SPHKAP: variants seen among roughly 807,000 people sequenced by gnomAD.
SPHKAP encodes A-kinase anchor protein SPHKAP.
In SPHKAP, 67 loss-of-function variants were observed where a neutral mutation model predicts 137.5. The observed-to-expected ratio is 0.49, with a 90% CI of 0.40 to 0.60. The LOEUF is 0.60. SPHKAP is among the 20% of genes least tolerant of loss of function. The pLI is 0.00. For synonymous variants in SPHKAP, 813 were observed against 785.3 expected, an observed-to-expected ratio of 1.04 and a Z score of -0.59; for missense variants, 2,097 against 2,069.3, an observed-to-expected ratio of 1.01 and a Z score of -0.26.
chr2:228,058,262 G>A (rs4372891), intron 3 of SPHKAP, among the ~76,000 whole-genome samples: 2 of 152,076 alleles, frequency 1.3e-5, no homozygotes, highest in Non-Finnish European at 2.9e-5. Flanking sequence ...AGAAAACTTA[G>A]CAAAGTCACT....
intron 2 of SPHKAP, among the ~76,000 whole-genome samples, chr2:228,124,525 T>G (rs775396060): frequency 2.9e-5 from 4 of 137,516 alleles, no homozygotes; most frequent in Non-Finnish European, 6.0e-5. Context: ...TAGGTGGGAA[T>G]TGAACAACGA....
intron 11 of SPHKAP, chr2:227,982,237 T>C: frequency 1.0e-6 from 1 of 985,358 alleles, no homozygotes; most frequent in Non-Finnish European, 1.2e-6. Flanking sequence ...GTCCCTTCTA[T>C]TTCTATCACA....
At chr2:228,043,070 C>A (rs1199843096) in intron 3 of SPHKAP, among the ~76,000 whole-genome samples, 1 of 152,148 alleles carries the variant, frequency 6.6e-6, no homozygotes, top group Non-Finnish European at 1.5e-5. Context: ...TTAAAAATAT[C>A]AACCATTTCC....
chr2:228,179,230 T>C (rs1700827559), intron 1 of SPHKAP, among the ~76,000 whole-genome samples: 1 of 152,174 alleles, frequency 6.6e-6, no homozygotes, highest in Admixed American at 6.5e-5. Context: ...ACCAAAAATG[T>C]TTTCAGACTT....
intron 3 of SPHKAP, among the ~76,000 whole-genome samples, chr2:228,101,076 C>T (rs886297784): frequency 6.6e-6 from 1 of 152,130 alleles, no homozygotes; most frequent in African/African-American, 2.4e-5. Context: ...CCTAAAATGT[C>T]TATCTCTTGC....
In SPHKAP at chr2:228,158,326, CT is replaced by C. The variant is rs55897294; in HGVS notation, c.32+23240del. On this transcript the variant is annotated intron_variant, in intron 1 of 11. Transcript: ENST00000392056. ...AATTGTAATTGTAATTTACTTCTTT[CT>C]TTTTTTTTTTTTTTTTAGCACAGTC... 7.9e-3 allele frequency among the ~76,000 whole-genome samples: 1,056 copies of C among 133,032 alleles called. 9 individuals are homozygous for C. The highest frequency in any genetic ancestry group is 0.018 in the African/African-American group (662 of 36,012). 87.3% of individuals were successfully genotyped at this position (133,032 alleles called of 152,430 possible).
At position 228,138,397 on chromosome 2, in the gene SPHKAP, T is replaced by A. The variant is rs939007055; in HGVS notation, c.33-6312A>T. ...TCTGTTTTAACAATTTAAATATGTATCCAGTACAAAATTTTTCATTTACTG... is the reference window on the plus strand; with the variant it reads ...TCTGTTTTAACAATTTAAATATGTAACCAGTACAAAATTTTTCATTTACTG... On this transcript the variant is annotated intron_variant, in intron 1 of 11. Transcript: ENST00000392056. Among the ~76,000 whole-genome samples the A allele has an allele frequency of 3.3e-5, 5 of 152,332 alleles. No individual in the cohort carries two copies. The East Asian group carries it at 9.6e-4, about 29-fold the overall frequency.
chr2:228,002,502 TC>T (rs1179083650), intron 7 of SPHKAP, among the ~76,000 whole-genome samples: 2 of 152,230 alleles, frequency 1.3e-5, no homozygotes, highest in Non-Finnish European at 1.5e-5. Context: ...AAAAATTTTC[TC>T]CCATTTTGTA....
chr2:228,067,135 G>A (rs1306990708), intron 3 of SPHKAP, among the ~76,000 whole-genome samples: 1 of 152,134 alleles, frequency 6.6e-6, no homozygotes. Context: ...TGACATCAGG[G>A]CAGAAAGCCA....
chr2:228,027,977 GAAAA>G lies in SPHKAP; in HGVS notation c.247-438_247-435del, dbSNP rs767238383. ...CTGCATCTGAAAAAAAAAAAAAAAA[GAAAA>G]AAGAAAAAAAGAAATAGTAATTTCA... On this transcript the variant is annotated intron_variant, in intron 3 of 11. Transcript: ENST00000392056. 35 of 870,464 alleles carry G rather than the reference GAAAA, an allele frequency of 4.0e-5. No individual in the cohort carries two copies. The African/African-American group carries it at 6.2e-4, about 15-fold the overall frequency. 53.9% of individuals were successfully genotyped at this position (870,464 alleles called of 1,614,324 possible).
At chr2:228,036,203 C>T (rs1222077888) in intron 3 of SPHKAP, among the ~76,000 whole-genome samples, 1 of 150,844 alleles carries the variant, frequency 6.6e-6, no homozygotes, top group Non-Finnish European at 1.5e-5. Flanking sequence ...ACAAACAACC[C>T]CATCAAAAAG....
intron 1 of SPHKAP, among the ~76,000 whole-genome samples, chr2:228,158,008 G>T (rs1252125127): frequency 6.6e-6 from 1 of 152,206 alleles, no homozygotes; most frequent in African/African-American, 2.4e-5. Context: ...ACAACAGCAT[G>T]TCAAGCTTAA....
Position 228,068,467 on chromosome 2 carries a change from C to T in SPHKAP, c.246+40365G>A, listed in dbSNP as rs561815125. Among the ~76,000 whole-genome samples, 49 of 152,206 alleles carry T rather than the reference C, an allele frequency of 3.2e-4. No individual in the cohort carries two copies. In the South Asian group the frequency reaches 9.7e-3, roughly 30 times the overall value. ...AACAAAACTGGAGACATCATATTAC[C>T]TGGCTTCAAATTATACTACAAAGCT... is the stretch of plus-strand genomic sequence containing the variant. On this transcript the variant is annotated intron_variant, in intron 3 of 11. Coordinates refer to ENST00000392056, the MANE Select transcript of SPHKAP (RefSeq NM_001142644.2).
chr2:228,082,400 AG>A (rs1697391737), intron 3 of SPHKAP, among the ~76,000 whole-genome samples: 1 of 152,194 alleles, frequency 6.6e-6, no homozygotes, highest in South Asian at 2.1e-4. Flanking sequence ...GTAAAACCTT[AG>A]GGAGAAATAT....
chr2:228,123,609 G>T (rs1037927781), intron 2 of SPHKAP, among the ~76,000 whole-genome samples: 6 of 152,074 alleles, frequency 3.9e-5, no homozygotes, highest in African/African-American at 1.5e-4. Context: ...GTACTTCTTA[G>T]CTTCTCAGAA....
At chr2:227,997,702 C>T (rs1693687364) in intron 7 of SPHKAP, among the ~76,000 whole-genome samples, 1 of 152,174 alleles carries the variant, frequency 6.6e-6, no homozygotes, top group Non-Finnish European at 1.5e-5. Flanking sequence ...AGCTCTCTCC[C>T]TTGAATGGTT....
chr2:228,035,046 G>A (rs1028483289), intron 3 of SPHKAP, among the ~76,000 whole-genome samples: 1 of 149,620 alleles, frequency 6.7e-6, no homozygotes, highest in Non-Finnish European at 1.5e-5. Context: ...TTAGGCAGGA[G>A]AAGGAAATAA....
intron 2 of SPHKAP, among the ~76,000 whole-genome samples, chr2:228,121,497 C>G (rs890071968): frequency 6.6e-6 from 1 of 152,120 alleles, no homozygotes; most frequent in Non-Finnish European, 1.5e-5. Flanking sequence ...GGCTGGGTGA[C>G]AGAGCAAGAC....
chr2:228,120,648 A>G (rs1413674623), intron 2 of SPHKAP, among the ~76,000 whole-genome samples: 2 of 152,190 alleles, frequency 1.3e-5, no homozygotes, highest in Non-Finnish European at 2.9e-5. Flanking sequence ...TGTCAAAAGA[A>G]TAAGAGTACA....
Sources: allele counts gnomAD v4.1 joint callset (sites outside exome capture counted in the v4.1 genomes callset), GRCh38; gene constraint gnomAD v4.1.1; transcripts MANE v1.5; gene names NCBI Gene and HGNC (gene_info 2026-07-23, HGNC 2026-07-21).